The following SOS2 variants were observed in gnomAD, a reference collection of about 807,000 sequenced individuals.
SOS2 encodes the protein SOS Ras/Rho guanine nucleotide exchange factor 2, also known as son of sevenless homolog 2.
In SOS2, 65 loss-of-function variants were observed where a neutral mutation model predicts 148.2. The observed-to-expected ratio is 0.44, with a 90% CI of 0.36 to 0.54. The LOEUF (loss-of-function observed/expected upper bound fraction) is 0.54. Ranked by LOEUF, SOS2 falls within the 20% of genes least tolerant of loss-of-function variation. The pLI, the probability that SOS2 is intolerant of heterozygous loss-of-function variation, is 0.00. For missense variants in SOS2, 1,341 were observed against 1,590.2 expected, an observed-to-expected ratio of 0.84 and a Z score of 2.67; for synonymous variants, 539 against 537.1, an observed-to-expected ratio of 1.00 and a Z score of -0.05.
At chr14:50,210,126 G>C (rs1175107655) in intron 1 of SOS2, among the ~76,000 whole-genome samples, 1 of 152,154 alleles carries the variant, frequency 6.6e-6, no homozygotes, top group Non-Finnish European at 1.5e-5. Context: ...ACAAGGATTT[G>C]CTCCAATGGT....
Position 50,180,834 on chromosome 14 carries a change from C to T in SOS2, c.859-152G>A, listed in dbSNP as rs28452354. ...TTCCAGCTCGAGCAACAGAGTGAAACCCTGTCTCAAAAGAAAAGAAAGAAA... is the reference window on the plus strand; with the variant it reads ...TTCCAGCTCGAGCAACAGAGTGAAATCCTGTCTCAAAAGAAAAGAAAGAAA... On this transcript the variant is annotated intron_variant, in intron 6 of 22. Transcript: ENST00000216373. 0.28 allele frequency: 131,181 copies of T among 461,108 alleles called. 19,567 individuals carry two copies. The highest frequency in any genetic ancestry group is 0.41 in the Admixed American group (10,006 of 24,400). 28.6% of individuals were successfully genotyped at this position (461,108 alleles called of 1,614,324 possible).
At chr14:50,201,254 T>A (rs1461587056) in intron 2 of SOS2, among the ~76,000 whole-genome samples, 170 bp from the exon 3 acceptor site, 1 of 152,028 alleles carries the variant, frequency 6.6e-6, no homozygotes, top group African/African-American at 2.4e-5. Context: ...AAGGTCAGGC[T>A]GGGCGCGGTG....
intron 19 of SOS2, among the ~76,000 whole-genome samples, chr14:50,133,495 C>T (rs758019942): frequency 4.6e-5 from 7 of 152,068 alleles, no homozygotes; most frequent in East Asian, 1.9e-4. Flanking sequence ...CCACCATGCC[C>T]GGTCTCTATG....
At position 50,212,650 on chromosome 14, in the gene SOS2, T is replaced by C. The variant is rs1595029158; in HGVS notation, c.88-8241A>G. Among the ~76,000 whole-genome samples the C allele has an allele frequency of 2.0e-5, 3 of 152,284 alleles. No homozygotes were observed. The South Asian group carries it at 6.2e-4, about 32-fold the overall frequency. ...ATTATATGTTACACTTCACCATAAA[T>C]GAGGTTTTCAAAAGTTTGAGAATCA... On this transcript the variant is annotated intron_variant, in intron 1 of 22. Transcript: ENST00000216373.
chr14:50,183,772 G>C (rs916423172), intron 5 of SOS2, among the ~76,000 whole-genome samples: 2 of 152,078 alleles, frequency 1.3e-5, no homozygotes, highest in Non-Finnish European at 2.9e-5. Flanking sequence ...GTTACAATCT[G>C]GTTTCACAAT....
intron 16 of SOS2, 23 bp from the exon 17 acceptor site, chr14:50,140,082 T>C (rs767972613): frequency 3.6e-6 from 4 of 1,105,238 alleles, no homozygotes; most frequent in East Asian, 2.4e-5. Context: ...ATAAATTGAG[T>C]ATAAATTTTT....
intron 22 of SOS2, 30 bp from the exon 23 acceptor site, chr14:50,118,883 T>C (rs1883406923): frequency 1.5e-6 from 2 of 1,342,148 alleles, no homozygotes; most frequent in Non-Finnish European, 2.0e-6. Context: ...AAATTATACC[T>C]CTATTCTGAA....
rs1294480231 is a variant in SOS2, at chr14:50,117,427, T to C, written c.*917A>G. The C allele has an allele frequency of 1.3e-5, 2 of 152,238 alleles. No individual in the cohort carries two copies. Among genetic ancestry groups the C allele is most frequent in the African/African-American group, 4.8e-5 (2 of 41,460 alleles). 9.4% of individuals were successfully genotyped at this position (152,238 alleles called of 1,614,324 possible). On this transcript the variant is annotated 3_prime_UTR_variant, in exon 23 of 23. Coordinates refer to ENST00000216373, the MANE Select transcript of SOS2 (RefSeq NM_006939.4). ...AAAATTTCAGTTAACACGAGATTTA[T>C]AGAGAAAGTTACTAGGTCTTGAAGG...
At chr14:50,228,986 G>A (rs1158751849) in intron 1 of SOS2, among the ~76,000 whole-genome samples, 1 of 152,174 alleles carries the variant, frequency 6.6e-6, no homozygotes, top group Non-Finnish European at 1.5e-5. Context: ...GTCAGCTAGA[G>A]GAAGGATGCC....
chr14:50,119,066 C>G (rs992951860), intron 22 of SOS2, among the ~76,000 whole-genome samples: 6 of 151,930 alleles, frequency 3.9e-5, no homozygotes, highest in Non-Finnish European at 8.8e-5. Context: ...GTCTTAGGTC[C>G]TAACTCTTTA....
At chr14:50,196,519 ATTCT>A (rs1159553899) in intron 4 of SOS2, among the ~76,000 whole-genome samples, 1 of 152,082 alleles carries the variant, frequency 6.6e-6, no homozygotes, top group African/African-American at 2.4e-5. Context: ...GATCTCATTC[ATTCT>A]AACAATATTT....
chr14:50,135,001 A>G (rs1165171628), intron 18 of SOS2, among the ~76,000 whole-genome samples: 1 of 141,684 alleles, frequency 7.1e-6, no homozygotes, highest in Non-Finnish European at 1.5e-5. Flanking sequence ...TGAACCTGGC[A>G]GGCGGAGGTT....
chr14:50,122,180 C>A (rs1466699096), intron 21 of SOS2, among the ~76,000 whole-genome samples: 1 of 152,112 alleles, frequency 6.6e-6, no homozygotes, highest in Non-Finnish European at 1.5e-5. Context: ...AGGAGATATT[C>A]TGGGGGCTAA....
chr14:50,201,873 T>C (rs920251789), intron 2 of SOS2, among the ~76,000 whole-genome samples: 1 of 152,162 alleles, frequency 6.6e-6, no homozygotes. Context: ...ATGAAATGGG[T>C]GAGAGAGCTC....
At chr14:50,167,743 AC>A (rs1885211946) in intron 8 of SOS2, among the ~76,000 whole-genome samples, 1 of 151,022 alleles carries the variant, frequency 6.6e-6, no homozygotes, top group Non-Finnish European at 1.5e-5. Flanking sequence ...GGTGGTGTGC[AC>A]CTGTAATCCC....
At chr14:50,211,544 G>A (rs1280418284) in intron 1 of SOS2, among the ~76,000 whole-genome samples, 1 of 151,664 alleles carries the variant, frequency 6.6e-6, no homozygotes, top group African/African-American at 2.4e-5. Context: ...AGAACATGCA[G>A]CATTTGTTTT....
chr14:50,211,465 G>A (rs1050570728), intron 1 of SOS2, among the ~76,000 whole-genome samples: 1 of 151,872 alleles, frequency 6.6e-6, no homozygotes, highest in Non-Finnish European at 1.5e-5. Flanking sequence ...TCCTCTATTA[G>A]TCCCCGGTGT....
Position 50,159,483 on chromosome 14 carries a change from T to C in SOS2, c.1800A>G (p.Lys600=). The C allele has an allele frequency of 6.2e-7, 1 of 1,613,130 alleles. No homozygotes were observed. Among genetic ancestry groups the C allele is most frequent in the Admixed American group, 1.7e-5 (1 of 59,994 alleles). ...LQSRSGIPII[K]GGTVVKLIER... ...CAATTAATTTCACTACAGTTCCTCC[T>C]TTAATAATGGGGATGCCACTTCTAC... The change falls in exon 10 of 23, where the codon AAA becomes AAG. Residue 600 remains lysine, a synonymous_variant. Transcript: ENST00000216373.
rs565287023 is a variant in SOS2 at position 50,214,838 on chromosome 14, CT to C, written c.88-10430del. Among the ~76,000 whole-genome samples, 1,237 of 136,498 alleles carry C rather than the reference CT, an allele frequency of 9.1e-3. 10 individuals carry two copies. The highest frequency in any genetic ancestry group is 0.025 in the African/African-American group (916 of 36,916). The allele number at this position is 136,498 out of a possible 152,430, so 89.5% of individuals were successfully genotyped here. On this transcript the variant is annotated intron_variant, in intron 1 of 22. Transcript: ENST00000216373. Reference sequence around the variant, plus strand: ...CTGAGGCAAGGTTGTTTCTTTCTTTCTTTTTTTTTTTTTTTGAGACGGAGTC... The same window carrying C: ...CTGAGGCAAGGTTGTTTCTTTCTTTCTTTTTTTTTTTTTTGAGACGGAGTC...
Sources: gnomAD v4.1 joint callset for allele counts (sites outside exome capture counted in the v4.1 genomes callset) on GRCh38, gnomAD v4.1.1 for gene constraint, MANE v1.5 for transcripts, NCBI Gene and HGNC (gene_info 2026-07-23, HGNC 2026-07-21) for gene names.